Variants in AGBL4 observed in about 807,000 individuals in gnomAD.
AGBL4 encodes the protein cytosolic carboxypeptidase 6.
AGBL4 carries 58 observed loss-of-function variants against 66.4 expected under a neutral mutation model. The observed-to-expected ratio is 0.87, with a 90% CI of 0.71 to 1.09. AGBL4 has a LOEUF of 1.09. AGBL4 is among the 50% of genes least tolerant of loss of function. The pLI is 0.00. For missense variants in AGBL4, 579 were observed against 631.0 expected (o/e 0.92, Z 0.88); for synonymous variants, 234 against 222.9 (o/e 1.05, Z -0.44).
intron 3 of AGBL4, among the ~76,000 whole-genome samples, chr1:49,449,524 T>C (rs1646232033): frequency 6.6e-6 from 1 of 151,972 alleles, no homozygotes; most frequent in African/African-American, 2.4e-5. Flanking sequence ...GAAGGGCCCA[T>C]ACTTTCTTTA....
intron 3 of AGBL4, among the ~76,000 whole-genome samples, chr1:49,368,176 T>C (rs1219038378): frequency 6.6e-6 from 1 of 152,170 alleles, no homozygotes. Flanking sequence ...GACACTGGGG[T>C]TGTTTCCACC....
chr1:48,933,299 T>C (rs1403699929), intron 5 of AGBL4, among the ~76,000 whole-genome samples: 2 of 152,218 alleles, frequency 1.3e-5, no homozygotes, highest in Non-Finnish European at 2.9e-5. Context: ...GATCATTTAG[T>C]TTAGCCTCCT....
At chr1:49,579,856 A>G (rs1644508044) in intron 3 of AGBL4, among the ~76,000 whole-genome samples, 1 of 152,154 alleles carries the variant, frequency 6.6e-6, no homozygotes, top group African/African-American at 2.4e-5. Context: ...ATTTAAGTCC[A>G]GTGTGTCTTT....
chr1:49,072,755 G>A (rs894297345), intron 4 of AGBL4, among the ~76,000 whole-genome samples: 2 of 152,132 alleles, frequency 1.3e-5, no homozygotes, highest in Non-Finnish European at 2.9e-5. Context: ...TCTTTGTGGT[G>A]TTCTCTCTAT....
intron 3 of AGBL4, among the ~76,000 whole-genome samples, chr1:49,272,980 C>A (rs1037255847): frequency 1.3e-5 from 2 of 152,116 alleles, no homozygotes; most frequent in Non-Finnish European, 2.9e-5. Flanking sequence ...TATACTGTCT[C>A]TACTAGATGT....
At chr1:49,106,421 T>C (rs1392464395) in intron 4 of AGBL4, among the ~76,000 whole-genome samples, 2 of 152,204 alleles carry the variant, frequency 1.3e-5, no homozygotes, top group Non-Finnish European at 2.9e-5. Context: ...TGTTATCATA[T>C]GTTTGTCCTA....
In AGBL4 at chr1:49,135,356, T is replaced by C. The variant is rs377724689; in HGVS notation, c.378-89556A>G. 5.3e-5 allele frequency among the ~76,000 whole-genome samples: 8 copies of C among 152,274 alleles called. No homozygotes were observed. The East Asian group carries it at 1.3e-3, about 26-fold the overall frequency. On this transcript the variant is annotated intron_variant, in intron 4 of 13. Coordinates refer to ENST00000371839, the MANE Select transcript of AGBL4 (RefSeq NM_032785.4). ...TAAAAGATATATGTGCAAACATGCA[T>C]ATACACAATATATGCATGTACACTG...
rs1360897201 is a variant in AGBL4, at chr1:48,587,030, G to C, written c.1241C>G (p.Ala414Gly). 2 of 1,609,946 alleles carry C rather than the reference G, an allele frequency of 1.2e-6. No homozygotes were observed. Among genetic ancestry groups the C allele is most frequent in the Non-Finnish European group, 1.7e-6 (2 of 1,178,326 alleles). The change falls in exon 11 of 14, where the codon GCT becomes GGT. Residue 414 changes from alanine (A) to glycine (G), a missense_variant. By Grantham distance (60) the Ala-to-Gly change is moderately conservative (BLOSUM62 0). Transcript: ENST00000371839. ...GGCTTCTTCAGTGTAGGGCACAGCA[G>C]CCGTGGTGCCACTGATGATGTAGCT... The part of the protein sequence containing the change: ...FYSYIISGTT[A>G]AVPYTEEAYM...
intron 3 of AGBL4, among the ~76,000 whole-genome samples, chr1:49,465,965 A>G (rs1414269743): frequency 2.0e-5 from 3 of 151,848 alleles, no homozygotes; most frequent in African/African-American, 7.2e-5. Context: ...TCTTGAGATG[A>G]TTCCCAATGA....
At chr1:48,741,775 C>T (rs1273448126) in intron 6 of AGBL4, among the ~76,000 whole-genome samples, 3 of 152,136 alleles carry the variant, frequency 2.0e-5, no homozygotes, top group East Asian at 1.9e-4. Context: ...CAACACATGA[C>T]GCGTTAAGGA....
intron 1 of AGBL4, among the ~76,000 whole-genome samples, chr1:49,928,060 C>T (rs569142530): frequency 2.6e-5 from 4 of 151,438 alleles, no homozygotes; most frequent in Non-Finnish European, 4.4e-5. Context: ...ATATAATTAA[C>T]GAGATAAAAA....
intron 2 of AGBL4, among the ~76,000 whole-genome samples, chr1:49,799,608 G>A (rs1644811221): frequency 1.3e-5 from 2 of 152,118 alleles, no homozygotes; most frequent in Admixed American, 6.5e-5. Context: ...ATAGTAGAAA[G>A]AAGATAGATT....
chr1:48,748,017 A>T (rs1469901862), intron 6 of AGBL4, among the ~76,000 whole-genome samples: 1 of 152,166 alleles, frequency 6.6e-6, no homozygotes, highest in Non-Finnish European at 1.5e-5. Flanking sequence ...TATTTTCTTC[A>T]TAAATGCATA....
intron 4 of AGBL4, among the ~76,000 whole-genome samples, chr1:49,224,339 C>T (rs984019621): frequency 9.2e-5 from 14 of 152,198 alleles, no homozygotes; most frequent in South Asian, 2.1e-4. Flanking sequence ...ATTGGCCGGC[C>T]GGACGCGGTG....
At chr1:49,849,285 T>G (rs1240709887) in intron 2 of AGBL4, among the ~76,000 whole-genome samples, 1 of 152,066 alleles carries the variant, frequency 6.6e-6, no homozygotes, top group Non-Finnish European at 1.5e-5. Context: ...AAACTCAGGA[T>G]GTGGATGTGT....
chr1:49,181,077 T>C (rs1178316572), intron 4 of AGBL4, among the ~76,000 whole-genome samples: 1 of 152,122 alleles, frequency 6.6e-6, no homozygotes, highest in Non-Finnish European at 1.5e-5. Flanking sequence ...CCCACAGTCA[T>C]GGTGGAGGCA....
At chr1:49,348,589 G>A (rs1204585133) in intron 3 of AGBL4, among the ~76,000 whole-genome samples, 2 of 152,222 alleles carry the variant, frequency 1.3e-5, no homozygotes, top group African/African-American at 4.8e-5. Flanking sequence ...GCTGGAAGAG[G>A]CAAGGAATGT....
intron 4 of AGBL4, among the ~76,000 whole-genome samples, chr1:49,143,812 G>A (rs1462705408): frequency 6.6e-6 from 1 of 152,190 alleles, no homozygotes; most frequent in Admixed American, 6.5e-5. Context: ...TGAAATTACT[G>A]CTCTTTGAGG....
intron 3 of AGBL4, among the ~76,000 whole-genome samples, chr1:49,581,828 T>A (rs567754746): frequency 5.7e-4 from 86 of 152,116 alleles, no homozygotes; most frequent in Non-Finnish European, 8.1e-4. Flanking sequence ...TGGGTGGCTT[T>A]CTTGCATGTC....
Sources: allele counts gnomAD v4.1 joint callset (sites outside exome capture counted in the v4.1 genomes callset), GRCh38; gene constraint gnomAD v4.1.1; transcripts MANE v1.5; gene names NCBI Gene and HGNC (gene_info 2026-07-23, HGNC 2026-07-21).